Variants in BCAS3 observed in about 807,000 individuals in gnomAD.
BCAS3 encodes the protein BCAS4/BCAS3 fusion.
BCAS3 carries 53 observed loss-of-function variants against 116.1 expected under a neutral mutation model. The observed-to-expected ratio is 0.46, with a 90% CI of 0.37 to 0.57. The LOEUF is 0.57. Ranked by LOEUF, BCAS3 falls within the 20% of genes least tolerant of loss-of-function variation. The probability of loss-of-function intolerance (pLI) is 0.00; values close to 1 mark genes in which losing one functional copy is unlikely to be tolerated. For missense variants in BCAS3, 917 were observed against 1,165.4 expected (o/e 0.79, Z 3.10); for synonymous variants, 391 against 408.2 (o/e 0.96, Z 0.51).
intron 6 of BCAS3, among the ~76,000 whole-genome samples, chr17:60,792,176 T>C (rs2046830122): frequency 6.6e-6 from 1 of 152,148 alleles, no homozygotes. Context: ...TTGGAAATGT[T>C]GGGAGGTGGT....
At position 60,862,165 on chromosome 17, in the gene BCAS3, C is replaced by T. The variant is rs576339961; in HGVS notation, c.477-6411C>T. 4.6e-5 allele frequency among the ~76,000 whole-genome samples: 7 copies of T among 152,276 alleles called. No homozygotes were observed. The East Asian group carries it at 7.7e-4, about 17-fold the overall frequency. On this transcript the variant is annotated intron_variant, in intron 7 of 23. Transcript: ENST00000407086. ...GGGCATGGTGGCAAGCGCCTGTAGT[C>T]CCAGCTATTCGAGAGGCTGAGGCAG...
In BCAS3 at chr17:61,082,515, A is replaced by G. The variant is rs1041817830; in HGVS notation, c.2328-1952A>G. Among the ~76,000 whole-genome samples, 1 of 152,216 alleles carries G rather than the reference A, an allele frequency of 6.6e-6. No individual in the cohort carries two copies. Among genetic ancestry groups the G allele is most frequent in the Non-Finnish European group, 1.5e-5 (1 of 68,042 alleles). On this transcript the variant is annotated intron_variant, in intron 21 of 23. Coordinates refer to ENST00000407086, the MANE Select transcript of BCAS3 (RefSeq NM_017679.5). This position sits in a 1 kb window ranked among gnomAD's most constrained non-coding sequence, Gnocchi z 5.1. ...ATTCACACCCTACCTCCAACTCTGG[A>G]TTATTCAGAAACCCCAATATAAATT...
intron 14 of BCAS3, among the ~76,000 whole-genome samples, chr17:60,970,955 G>A (rs576462028): frequency 6.6e-6 from 1 of 152,312 alleles, no homozygotes; most frequent in South Asian, 2.1e-4. Flanking sequence ...TGCCTAGTTT[G>A]AATGGATATG....
At chr17:60,902,768 G>T in intron 11 of BCAS3, 65 bp downstream of exon 11, 1 of 1,267,318 alleles carries the variant, frequency 7.9e-7, no homozygotes, top group South Asian at 1.2e-5. Flanking sequence ...TTTCTCTCCT[G>T]AATTATATTT....
chr17:61,345,245 T>G (rs1006125859), intron 22 of BCAS3, among the ~76,000 whole-genome samples: 1 of 152,214 alleles, frequency 6.6e-6, no homozygotes, highest in African/African-American at 2.4e-5. Flanking sequence ...CAGAGGAGAC[T>G]CCGCTTCCGC....
chr17:61,211,670 T>TAAA lies in BCAS3; in HGVS notation c.2425+127120_2425+127122dup, dbSNP rs375741742. ...TGTTTGCATCCAGGTCATTTCTCCA[T>TAAA]AAAAAAAAAAAAAAAATGCCACTGA... On this transcript the variant is annotated intron_variant, in intron 22 of 23. Coordinates refer to ENST00000407086, the MANE Select transcript of BCAS3 (RefSeq NM_017679.5). This position sits in a 1 kb window ranked among gnomAD's most constrained non-coding sequence, Gnocchi z 4.4. 2.3e-5 allele frequency among the ~76,000 whole-genome samples: 2 copies of TAAA among 86,654 alleles called. No homozygotes were observed. The highest frequency in any genetic ancestry group is 6.0e-5 in the Non-Finnish European group (2 of 33,610). 56.8% of individuals were successfully genotyped at this position (86,654 alleles called of 152,430 possible). A position where few individuals can be genotyped will look rare whatever the true frequency, so the allele number is the denominator to read the frequency against.
At position 60,924,900 on chromosome 17, in the gene BCAS3, G is replaced by GT. The variant is rs916623711; in HGVS notation, c.1087+410dup. Among the ~76,000 whole-genome samples, 629 of 143,288 alleles carry GT rather than the reference G, an allele frequency of 4.4e-3. 3 individuals carry two copies. The highest frequency in any genetic ancestry group is 7.3e-3 in the Middle Eastern group (2 of 274). The allele number at this position is 143,288 out of a possible 152,430, so 94.0% of individuals were successfully genotyped here. On this transcript the variant is annotated intron_variant, in intron 13 of 23. Coordinates refer to ENST00000407086, the MANE Select transcript of BCAS3 (RefSeq NM_017679.5). ...TTTGTAAGCTAATTTAATTTTCTCG[G>GT]TTTTTTTTTTAGTGGTGCTCTTTTT...
At chr17:61,178,959 T>C (rs981259600) in intron 22 of BCAS3, among the ~76,000 whole-genome samples, 8 of 152,164 alleles carry the variant, frequency 5.3e-5, no homozygotes, top group African/African-American at 1.9e-4. Flanking sequence ...AATGATACGA[T>C]GTTTTCCTGG....
intron 22 of BCAS3, among the ~76,000 whole-genome samples, chr17:61,357,311 A>C (rs971726570): frequency 1.3e-5 from 2 of 149,324 alleles, no homozygotes; most frequent in South Asian, 4.2e-4. Context: ...ACAGGTGCCT[A>C]TGGTTTCAGC....
Position 60,967,073 on chromosome 17 carries a change from G to A in BCAS3, c.1221+19721G>A, listed in dbSNP as rs1940556588. ...TTTGGGTTTCATACTAGAGTTATGA[G>A]TGGATTGTACACCACCATTTCAGTT... On this transcript the variant is annotated intron_variant, in intron 14 of 23. Coordinates refer to ENST00000407086, the MANE Select transcript of BCAS3 (RefSeq NM_017679.5). This position sits in a 1 kb window ranked among gnomAD's most constrained non-coding sequence, Gnocchi z 4.7. Among the ~76,000 whole-genome samples, 1 of 152,178 alleles carries A rather than the reference G, an allele frequency of 6.6e-6. No individual in the cohort carries two copies. Among genetic ancestry groups the A allele is most frequent in the African/African-American group, 2.4e-5 (1 of 41,430 alleles).
intron 5 of BCAS3, among the ~76,000 whole-genome samples, chr17:60,714,993 T>C (rs2144047632): frequency 6.6e-6 from 1 of 152,274 alleles, no homozygotes; most frequent in Admixed American, 6.5e-5. Context: ...TGACTCTTTT[T>C]TGGTGAGGTA....
At chr17:61,238,325 C>G (rs905195891) in intron 22 of BCAS3, among the ~76,000 whole-genome samples, 2 of 151,766 alleles carry the variant, frequency 1.3e-5, no homozygotes, top group Admixed American at 6.6e-5. Context: ...CAGTTTCAAG[C>G]GATTTTCCTG....
In BCAS3 at chr17:61,224,174, G is replaced by T. The variant is rs1377982747; in HGVS notation, c.2425+139610G>T. 6.6e-6 allele frequency among the ~76,000 whole-genome samples: 1 copy of T among 152,294 alleles called. No individual in the cohort carries two copies. Among genetic ancestry groups the T allele is most frequent in the East Asian group, 1.9e-4 (1 of 5,194 alleles). On this transcript the variant is annotated intron_variant, in intron 22 of 23. Transcript: ENST00000407086. The surrounding 1 kb of genome is among the most constrained non-coding windows in gnomAD (Gnocchi z 5.7). ...ATTATTTTCCCATTGATTTATAAGAGAAATCTTTAAGCATCTATCATGTGC... is the reference window on the plus strand; with the variant it reads ...ATTATTTTCCCATTGATTTATAAGATAAATCTTTAAGCATCTATCATGTGC...
rs777029615 is a variant in BCAS3 at position 61,171,798 on chromosome 17, A to ATT, written c.2425+87248_2425+87249dup. Among the ~76,000 whole-genome samples, 144 of 142,574 alleles carry ATT rather than the reference A, an allele frequency of 1.0e-3. 1 individual carries two copies. Among genetic ancestry groups the ATT allele is most frequent in the African/African-American group, 3.5e-3 (136 of 38,950 alleles). 93.5% of individuals were successfully genotyped at this position (142,574 alleles called of 152,430 possible). A position where few individuals can be genotyped will look rare whatever the true frequency, so the allele number is the denominator to read the frequency against. On this transcript the variant is annotated intron_variant, in intron 22 of 23. Transcript: ENST00000407086. This position sits in a 1 kb window ranked among gnomAD's most constrained non-coding sequence, Gnocchi z 4.1. ...ACCATGCCCTGCTAATTAAAAAAAAATTTTTTTTTTTTTTTGTAGAAATGG... is the reference window on the plus strand; with the variant it reads ...ACCATGCCCTGCTAATTAAAAAAAAATTTTTTTTTTTTTTTTTGTAGAAATGG...
In BCAS3 at chr17:61,051,679, C is replaced by A. The variant is rs535612009; in HGVS notation, c.2029+10787C>A. ...GTGTCTTAGTCATGGTTCACTGTGGCCTCCAACTCCTGAACTTGAGTGATC... is the reference window on the plus strand; with the variant it reads ...GTGTCTTAGTCATGGTTCACTGTGGACTCCAACTCCTGAACTTGAGTGATC... On this transcript the variant is annotated intron_variant, in intron 19 of 23. Transcript: ENST00000407086. This position sits in a 1 kb window ranked among gnomAD's most constrained non-coding sequence, Gnocchi z 4.1. Among the ~76,000 whole-genome samples, 1 of 152,256 alleles carries A rather than the reference C, an allele frequency of 6.6e-6. No individual in the cohort carries two copies. Among genetic ancestry groups the A allele is most frequent in the Admixed American group, 6.5e-5 (1 of 15,298 alleles).
chr17:61,022,182 T>C (rs2065918997), intron 16 of BCAS3, among the ~76,000 whole-genome samples: 1 of 152,196 alleles, frequency 6.6e-6, no homozygotes, highest in Non-Finnish European at 1.5e-5. Flanking sequence ...CACACCATAC[T>C]GTAAATCTGG....
At chr17:61,264,878 G>A (rs1243549771) in intron 22 of BCAS3, among the ~76,000 whole-genome samples, 2 of 152,090 alleles carry the variant, frequency 1.3e-5, no homozygotes, top group African/African-American at 4.8e-5. Flanking sequence ...TAAAATCTGA[G>A]CCAAAAAGAG....
chr17:60,921,200 A>G (rs1167432706), intron 12 of BCAS3, among the ~76,000 whole-genome samples: 2 of 152,354 alleles, frequency 1.3e-5, no homozygotes, highest in South Asian at 4.1e-4. Flanking sequence ...GAAATGTGCT[A>G]TTCATCACCA....
Position 61,084,583 on chromosome 17 carries a change from A to G in BCAS3, c.2425+19A>G. 1.9e-6 allele frequency: 3 copies of G among 1,573,546 alleles called. No individual in the cohort carries two copies. The highest frequency in any genetic ancestry group is 2.6e-6 in the Non-Finnish European group (3 of 1,143,432). On this transcript the variant is annotated intron_variant, in intron 22 of 23. Coordinates refer to ENST00000407086, the MANE Select transcript of BCAS3 (RefSeq NM_017679.5). This position sits in a 1 kb window ranked among gnomAD's most constrained non-coding sequence, Gnocchi z 5.5. The stretch of plus-strand genomic sequence containing the variant: ...GCCTCAGGTAGAAAACCACCTCTGA[A>G]ATATTTATTGGGCAGTCCTGTGCAT...
Sources: allele counts gnomAD v4.1 joint callset (sites outside exome capture counted in the v4.1 genomes callset), GRCh38; gene constraint gnomAD v4.1.1; non-coding constraint Gnocchi (gnomAD v3.1); transcripts MANE v1.5; gene names NCBI Gene and HGNC (gene_info 2026-07-23, HGNC 2026-07-21).